CENPW: variants seen among roughly 807,000 people sequenced by gnomAD.
The protein encoded by CENPW is cancer-up-regulated gene 2 protein.
CENPW carries 3 observed loss-of-function variants against 11.1 expected under a neutral mutation model. The ratio of observed to expected loss-of-function variants is 0.27; its 90% CI spans 0.12 to 0.70. The LOEUF (loss-of-function observed/expected upper bound fraction) is 0.70, where lower values mean the gene tolerates loss of function less well. Among genes scored for constraint, CENPW ranks in the 30% least tolerant of loss-of-function variants. The pLI, the probability that CENPW is intolerant of heterozygous loss-of-function variation, is 0.77. For missense variants in CENPW, 100 were observed against 105.6 expected (o/e 0.95, Z 0.23); for synonymous variants, 38 against 42.0 (o/e 0.91, Z 0.37).
At chr6:126,452,731 T>TA in the CENPW span, among the ~76,000 whole-genome samples, 3 of 151,044 alleles carry the variant, frequency 2.0e-5, no homozygotes, top group South Asian at 2.1e-4. Flanking sequence ...AAATAATGTC[T>TA]AAAAAATTAT....
chr6:126,347,812 GT>G (rs547714403), intron 2 of CENPW, among the ~76,000 whole-genome samples: 4 of 151,102 alleles, frequency 2.6e-5, no homozygotes, highest in African/African-American at 9.7e-5. Flanking sequence ...TAGTAGATAA[GT>G]TTTTTTTTAA....
the CENPW span, among the ~76,000 whole-genome samples, chr6:126,444,270 G>C: frequency 1.0e-3 from 157 of 150,822 alleles, 5 homozygotes; most frequent in Admixed American, 0.01. Context: ...TTTTGGTCTG[G>C]ATTCTATTCT....
At chr6:126,447,738 G>A in the CENPW span, among the ~76,000 whole-genome samples, 1 of 150,970 alleles carries the variant, frequency 6.6e-6, no homozygotes, top group South Asian at 2.1e-4. Flanking sequence ...GACTGCTCTG[G>A]CTCTATGATT....
chr6:126,348,580 T>C lies in CENPW; in HGVS notation c.*88T>C. ...GACATTTTTTACACATCAGTTAATA[T>C]GGGATTATTAAATATTGGCTATAAG... On this transcript the variant is annotated 3_prime_UTR_variant, in exon 3 of 3. Transcript: ENST00000368328. 1.3e-6 allele frequency: 1 copy of C among 789,602 alleles called. No individual in the cohort carries two copies. Among genetic ancestry groups the C allele is most frequent in the Admixed American group, 2.2e-5 (1 of 45,578 alleles). 48.9% of individuals were successfully genotyped at this position (789,602 alleles called of 1,614,324 possible).
At chr6:126,351,064 A>G (rs1780485611), downstream of CENPW, among the ~76,000 whole-genome samples, 1 of 151,324 alleles carries the variant, frequency 6.6e-6, no homozygotes, top group Admixed American at 6.6e-5. Context: ...TGTTTTCCCC[A>G]TATTTTCTAT....
At chr6:126,397,277 C>G in the CENPW span, among the ~76,000 whole-genome samples, 1 of 152,224 alleles carries the variant, frequency 6.6e-6, no homozygotes, top group Non-Finnish European at 1.5e-5. Flanking sequence ...CTAAATGTTC[C>G]CTCTGTGGGC....
downstream of CENPW, among the ~76,000 whole-genome samples, chr6:126,349,132 G>T (rs1780461812): frequency 6.6e-6 from 1 of 151,944 alleles, no homozygotes; most frequent in Non-Finnish European, 1.5e-5. Context: ...AGATAATTTA[G>T]AAGTTTATTA....
the CENPW span, among the ~76,000 whole-genome samples, chr6:126,411,280 C>G: frequency 6.6e-6 from 1 of 152,174 alleles, no homozygotes; most frequent in Non-Finnish European, 1.5e-5. Flanking sequence ...GTGGCCACGG[C>G]TGTAGAAATT....
At chr6:126,381,990 T>C in the CENPW span, among the ~76,000 whole-genome samples, 1 of 152,020 alleles carries the variant, frequency 6.6e-6, no homozygotes, top group African/African-American at 2.4e-5. Context: ...TCCCAGCATT[T>C]TGGGAGGACA....
the CENPW span, among the ~76,000 whole-genome samples, chr6:126,358,798 G>A: frequency 1.3e-5 from 2 of 151,876 alleles, no homozygotes; most frequent in African/African-American, 4.8e-5. Context: ...TCCCAAGATT[G>A]AACCAGGAAG....
the CENPW span, among the ~76,000 whole-genome samples, chr6:126,421,484 A>T: frequency 4.0e-5 from 6 of 151,730 alleles, no homozygotes; most frequent in Non-Finnish European, 7.4e-5. Context: ...TTTTCCTGTC[A>T]TTTTATTTAC....
At chr6:126,370,813 C>T in the CENPW span, among the ~76,000 whole-genome samples, 3 of 150,860 alleles carry the variant, frequency 2.0e-5, no homozygotes, top group African/African-American at 4.9e-5. Flanking sequence ...AGTGCAGTGG[C>T]GTGATCTCGG....
chr6:126,437,829 C>T, the CENPW span, among the ~76,000 whole-genome samples: 2,679 of 151,538 alleles, frequency 0.018, 90 homozygotes, highest in African/African-American at 0.062. Flanking sequence ...AATATTTCTG[C>T]GGGACCCAAA....
the CENPW span, among the ~76,000 whole-genome samples, chr6:126,359,294 A>G: frequency 6.6e-6 from 1 of 150,876 alleles, no homozygotes; most frequent in East Asian, 1.9e-4. Flanking sequence ...ACTTGATATG[A>G]TTTCTTTTCT....
chr6:126,380,276 A>G, the CENPW span, among the ~76,000 whole-genome samples: 2 of 152,134 alleles, frequency 1.3e-5, no homozygotes, highest in Non-Finnish European at 1.5e-5. Flanking sequence ...ATTGAAAGTA[A>G]TGGGAACCAA....
At chr6:126,446,186 G>C in the CENPW span, among the ~76,000 whole-genome samples, 1 of 151,234 alleles carries the variant, frequency 6.6e-6, no homozygotes, top group South Asian at 2.1e-4. Flanking sequence ...AGTAAACTGA[G>C]ACAAATGTCC....
chr6:126,456,857 A>G, the CENPW span, among the ~76,000 whole-genome samples: 347 of 151,806 alleles, frequency 2.3e-3, 2 homozygotes, highest in African/African-American at 7.5e-3. Context: ...TTAACAAGCA[A>G]AAAACAACCC....
intron 2 of CENPW, among the ~76,000 whole-genome samples, chr6:126,347,821 TA>T (rs1300371772): frequency 7.9e-5 from 12 of 151,874 alleles, no homozygotes; most frequent in African/African-American, 2.2e-4. Flanking sequence ...AGTTTTTTTT[TA>T]AAAAAAGAGA....
At chr6:126,357,613 T>C in the CENPW span, among the ~76,000 whole-genome samples, 1 of 152,100 alleles carries the variant, frequency 6.6e-6, no homozygotes, top group South Asian at 2.1e-4. Flanking sequence ...ATAGTTCTTT[T>C]TTTTTTTTCT....
Sources: allele counts gnomAD v4.1 joint callset (sites outside exome capture counted in the v4.1 genomes callset), GRCh38; gene constraint gnomAD v4.1.1; transcripts MANE v1.5; gene names NCBI Gene and HGNC (gene_info 2026-07-23, HGNC 2026-07-21).